Variants in RTL1 observed in about 807,000 individuals in gnomAD.
RTL1 encodes the protein retrotransposon Gag like 1.
For synonymous variants in RTL1, 727 were observed against 748.4 expected (o/e 0.97, Z 0.47); for missense variants, 1,681 against 1,767.5 (o/e 0.95, Z 0.88).
Position 100,883,248 on chromosome 14 carries a change from G to C in RTL1, c.1541C>G (p.Pro514Arg). 6.4e-7 allele frequency: 1 copy of C among 1,551,732 alleles called. No individual in the cohort carries two copies. Among genetic ancestry groups the C allele is most frequent in the Non-Finnish European group, 8.7e-7 (1 of 1,146,992 alleles). The change falls in exon 4 of 4, where the codon CCC becomes CGC. Residue 514 changes from proline to arginine, a missense_variant. Physicochemically the swap from Pro to Arg is moderately radical, Grantham distance 103. Transcript: ENST00000649591. This position sits in a 1 kb window ranked among gnomAD's most constrained non-coding sequence, Gnocchi z 5.9. ...GCGGCCTTTGATCCAGTCGACTTCG[G>C]GGGCGTGGACTCGGAGCCAGCGGAT... is the stretch of plus-strand genomic sequence containing the variant. ...LGIRWLRVHA[P>R]EVDWIKGRCT...
At chr14:100,899,143 AC>A (rs530183099) in intron 2 of RTL1, 1 of 150,796 alleles carries the variant, frequency 6.6e-6, no homozygotes, top group Non-Finnish European at 1.5e-5. Flanking sequence ...TCAGGCTGGC[AC>A]CCCCCCACTG....
At chr14:100,890,174 C>T (rs1286723380) in intron 3 of RTL1, among the ~76,000 whole-genome samples, 2 of 151,560 alleles carry the variant, frequency 1.3e-5, no homozygotes, top group African/African-American at 4.8e-5. Context: ...CCCCCCAACA[C>T]TCAAGAGACA....
At chr14:100,885,896 G>A (rs866411960) in intron 3 of RTL1, among the ~76,000 whole-genome samples, 2 of 152,126 alleles carry the variant, frequency 1.3e-5, no homozygotes, top group Admixed American at 6.5e-5. Context: ...CTCTGTTGCT[G>A]GTTGAGCCCT....
In RTL1 at chr14:100,881,945, A is replaced by G. The variant is rs1333331673; in HGVS notation, c.2844T>C (p.Leu948=). The G allele has an allele frequency of 6.2e-7, 1 of 1,613,656 alleles. No homozygotes were observed. The highest frequency in any genetic ancestry group is 1.1e-5 in the South Asian group (1 of 91,070). ...LENTEEPIMI[L]LNTEDLASLN... Reference sequence around the variant, plus strand: ...GAGAGGCTAGATCCTCTGTGTTGAGAAGGATCATGATGGGCTCCTCGGTGT... The same window carrying G: ...GAGAGGCTAGATCCTCTGTGTTGAGGAGGATCATGATGGGCTCCTCGGTGT... The change falls in exon 4 of 4, where the codon CTT becomes CTC. Residue 948 remains leucine, a synonymous_variant. Transcript: ENST00000649591. This position sits in a 1 kb window ranked among gnomAD's most constrained non-coding sequence, Gnocchi z 6.6.
Position 100,881,430 on chromosome 14 carries a change from G to A in RTL1, c.3359C>T (p.Pro1120Leu), listed in dbSNP as rs961889060. ...APAMRVARPQ[P>L]QRSLRLILDS... ...CAGGATGAGTCGTAGGGAGCGCTGG[G>A]GCTGGGGCCGAGCCACCCGCATGGC... The change falls in exon 4 of 4, where the codon CCC becomes CTC. Residue 1120 changes from proline (P) to leucine (L), a missense_variant. Coordinates refer to ENST00000649591, the MANE Select transcript of RTL1 (RefSeq NM_001134888.3). The surrounding 1 kb of genome is among the most constrained non-coding windows in gnomAD (Gnocchi z 6.6). 1 of 1,550,796 alleles carries A rather than the reference G, an allele frequency of 6.4e-7. No homozygotes were observed. Among genetic ancestry groups the A allele is most frequent in the Non-Finnish European group, 8.7e-7 (1 of 1,146,932 alleles).
In RTL1 at chr14:100,884,598, T is replaced by G. The variant is rs182315655; in HGVS notation, c.191A>C (p.Gln64Pro). The part of the protein sequence containing the change: ...EKKEPPSGPL[Q>P]EMEELPTDLL... The stretch of plus-strand genomic sequence containing the variant: ...ATCAGTGGGCAGCTCTTCCATTTCC[T>G]GGAGTGGGCCACTGGGGGGCTCCTT... The change falls in exon 4 of 4, where the codon CAG becomes CCG. Residue 64 changes from glutamine (Q) to proline (P), a missense_variant. Physicochemically the swap from Gln to Pro is moderately conservative, Grantham distance 76. Transcript: ENST00000649591. 2 of 1,613,538 alleles carry G rather than the reference T, an allele frequency of 1.2e-6. No individual in the cohort carries two copies. The highest frequency in any genetic ancestry group is 2.2e-5 in the East Asian group (1 of 44,858).
intron 2 of RTL1, among the ~76,000 whole-genome samples, chr14:100,899,746 A>G (rs1416904330): frequency 1.3e-5 from 2 of 151,402 alleles, no homozygotes; most frequent in Non-Finnish European, 2.9e-5. Context: ...TCTCTCTCAC[A>G]CAGGGCTATT....
rs1437815603 is a variant in RTL1 at position 100,881,542 on chromosome 14, G to A, written c.3247C>T (p.Leu1083Phe). Residue 1083 changes from leucine (L) to phenylalanine (F), a missense_variant, in exon 4 of 4, where the codon CTC becomes TTC. Transcript: ENST00000649591. This position sits in a 1 kb window ranked among gnomAD's most constrained non-coding sequence, Gnocchi z 6.6. ...GCTAGGGTGTTCTTCCAGTACAGGA[G>A]GCCTCGGAAGAAGTGCAGAATGACG... ...RAVILHFFRGLLYWKNTLALA... is the reference protein window; with the variant it reads ...RAVILHFFRGFLYWKNTLALA... The A allele has an allele frequency of 1.3e-6, 2 of 1,551,752 alleles. No homozygotes were observed. The highest frequency in any genetic ancestry group is 2.4e-5 in the East Asian group (1 of 40,914).
chr14:100,882,258 T>C lies in RTL1; in HGVS notation c.2531A>G (p.Tyr844Cys), dbSNP rs1214043559. 1.9e-6 allele frequency: 3 copies of C among 1,551,448 alleles called. No homozygotes were observed. Among genetic ancestry groups the C allele is most frequent in the Admixed American group, 3.9e-5 (2 of 51,000 alleles). ...GGCCTCTTGCTCCTCGACTCCCCAG[T>C]AGAACTGGTAGGAGCTCAGCAGCTG... ...VRQLLSSYQFYWGVEEQEAFE... is the reference protein window; with the variant it reads ...VRQLLSSYQFCWGVEEQEAFE... The change falls in exon 4 of 4, where the codon TAC becomes TGC. Residue 844 changes from tyrosine to cysteine, a missense_variant. By Grantham distance (194) the Tyr-to-Cys change is radical (BLOSUM62 -2). Transcript: ENST00000649591.
Position 100,893,264 on chromosome 14 carries a change from C to A in RTL1, c.-87+180G>T, listed in dbSNP as rs1359647473. On this transcript the variant is annotated intron_variant, in intron 3 of 3. Transcript: ENST00000649591. The surrounding 1 kb of genome is among the most constrained non-coding windows in gnomAD (Gnocchi z 4.2). ...CCAGGACCTGCTAATTATAGCTGCTCAAGTATTTGAATAGAGGCCTTGAGT... is the reference window on the plus strand; with the variant it reads ...CCAGGACCTGCTAATTATAGCTGCTAAAGTATTTGAATAGAGGCCTTGAGT... 6.6e-6 allele frequency among the ~76,000 whole-genome samples: 1 copy of A among 152,104 alleles called. No homozygotes were observed. Among genetic ancestry groups the A allele is most frequent in the African/African-American group, 2.4e-5 (1 of 41,418 alleles).
Position 100,882,278 on chromosome 14 carries a change from C to T in RTL1, c.2511G>A (p.Leu837=), listed in dbSNP as rs747963078. ...CCCAGTAGAACTGGTAGGAGCTCAG[C>T]AGCTGCCGCACCAGGGGCTCTGCGA... ...SIIAEPLVRQ[L]LSSYQFYWGV... Residue 837 remains leucine (L), a synonymous_variant, in exon 4 of 4, where the codon CTG becomes CTA. Coordinates refer to ENST00000649591, the MANE Select transcript of RTL1 (RefSeq NM_001134888.3). The T allele has an allele frequency of 3.0e-5, 47 of 1,551,610 alleles. 1 individual carries two copies. The African/African-American group carries it at 6.1e-4, about 20-fold the overall frequency.
chr14:100,881,188 C>T lies in RTL1; in HGVS notation c.3601G>A (p.Gly1201Ser), dbSNP rs1352951677. ...GFWLTLCEFF[G>S]VRVTPQEGHL... ...CCCTCCTGGGGGGTGACTCTGACAC[C>T]GAAGAACTCACACAGCGTCAGCCAG... The change falls in exon 4 of 4, where the codon GGT (glycine) becomes AGT (serine). Residue 1201 changes from glycine (G) to serine (S), a missense_variant. Transcript: ENST00000649591. The surrounding 1 kb of genome is among the most constrained non-coding windows in gnomAD (Gnocchi z 6.6). 20 of 1,541,050 alleles carry T rather than the reference C, an allele frequency of 1.3e-5. No homozygotes were observed. Among genetic ancestry groups the T allele is most frequent in the Middle Eastern group, 1.7e-4 (1 of 5,952 alleles).
In RTL1 at chr14:100,880,520, G is replaced by A. The variant is rs2038591805; in HGVS notation, c.*192C>T. On this transcript the variant is annotated 3_prime_UTR_variant, in exon 4 of 4. Transcript: ENST00000649591. Reference sequence around the variant, plus strand: ...GCGCTGGGTCTCTGAGGACTGGGTAGTCCGTTAGCACAGGTGGCATTGCTG... The same window carrying A: ...GCGCTGGGTCTCTGAGGACTGGGTAATCCGTTAGCACAGGTGGCATTGCTG... The A allele has an allele frequency of 1.7e-6, 2 of 1,177,658 alleles. No individual in the cohort carries two copies. Among genetic ancestry groups the A allele is most frequent in the Non-Finnish European group, 2.3e-6 (2 of 864,996 alleles). The allele number at this position is 1,177,658 out of a possible 1,614,324, so 73.0% of individuals were successfully genotyped here.
At position 100,880,856 on chromosome 14, in the gene RTL1, C is replaced by T. The variant is rs544976341; in HGVS notation, c.3933G>A (p.Arg1311=). The change falls in exon 4 of 4, where the codon CGG becomes CGA. Residue 1311 remains arginine (R), a synonymous_variant. Transcript: ENST00000649591. ...SADGQLHLLS[R]EQAARALSQF... ...GGCTCAGGGCCCTGGCTGCCTGCTCCCGGCTGAGCAGGTGCAGCTGGCCAT... is the reference window on the plus strand; with the variant it reads ...GGCTCAGGGCCCTGGCTGCCTGCTCTCGGCTGAGCAGGTGCAGCTGGCCAT... The T allele has an allele frequency of 1.3e-4, 199 of 1,547,002 alleles. 1 individual carries two copies. In the East Asian group the frequency reaches 4.8e-3, roughly 37 times the overall value.
Position 100,880,821 on chromosome 14 carries a change from G to A in RTL1, c.3968C>T (p.Thr1323Ile), listed in dbSNP as rs907562790. The A allele has an allele frequency of 3.2e-6, 5 of 1,550,642 alleles. No individual in the cohort carries two copies. In the Admixed American group the frequency reaches 5.9e-5, roughly 18 times the overall value. ...QAARALSQFL[T>I]LIYRRALPIP... ...GGGCAGGGCCCGCCTGTAGATCAGG[G>A]TCAGGAACTGGCTCAGGGCCCTGGC... The change falls in exon 4 of 4, where the codon ACC (threonine) becomes ATC (isoleucine). Residue 1323 changes from threonine (T) to isoleucine (I), a missense_variant. Physicochemically the swap from Thr to Ile is moderately conservative, Grantham distance 89. Transcript: ENST00000649591.
At chr14:100,891,485 C>T (rs151175389) in intron 3 of RTL1, among the ~76,000 whole-genome samples, 282 of 152,276 alleles carry the variant, frequency 1.9e-3, no homozygotes, top group African/African-American at 6.5e-3. Context: ...TAGAGGGACC[C>T]CCAGCCCCTC....
Position 100,884,831 on chromosome 14 carries a change from TG to T in RTL1, c.-44del. ...AGTGTATTCTGAAGATTGGTAAGGT[TG>T]TGATGGCGTCCAGTCAGTAGCTGGG... On this transcript the variant is annotated 5_prime_UTR_variant, in exon 4 of 4. Coordinates refer to ENST00000649591, the MANE Select transcript of RTL1 (RefSeq NM_001134888.3). 6.6e-7 allele frequency: 1 copy of T among 1,511,490 alleles called. No homozygotes were observed. The highest frequency in any genetic ancestry group is 8.9e-7 in the Non-Finnish European group (1 of 1,126,940). The allele number at this position is 1,511,490 out of a possible 1,614,324, so 93.6% of individuals were successfully genotyped here. A position where few individuals can be genotyped will look rare whatever the true frequency, so the allele number is the denominator to read the frequency against.
intron 2 of RTL1, chr14:100,898,016 C>G: frequency 2.0e-6 from 1 of 501,764 alleles, no homozygotes; most frequent in Non-Finnish European, 4.0e-6. Context: ...TAGGTCTTGG[C>G]TGTTTCATTC....
chr14:100,883,132 G>A lies in RTL1; in HGVS notation c.1657C>T (p.Pro553Ser). ...ALERHGMSLLPGLPHPYSDLA... is the reference protein window; with the variant it reads ...ALERHGMSLLSGLPHPYSDLA... ...TCTGAGTATGGGTGTGGCAGTCCGG[G>A]TAGCAGGCTCATGCCGTGCCTCTCT... Residue 553 changes from proline (P) to serine (S), a missense_variant, in exon 4 of 4, where the codon CCC (proline) becomes TCC (serine). Physicochemically the swap from Pro to Ser is moderately conservative, Grantham distance 74 (BLOSUM62 -1). Coordinates refer to ENST00000649591, the MANE Select transcript of RTL1 (RefSeq NM_001134888.3). The surrounding 1 kb of genome is among the most constrained non-coding windows in gnomAD (Gnocchi z 5.9). 8 of 1,610,488 alleles carry A rather than the reference G, an allele frequency of 5.0e-6. No individual in the cohort carries two copies. The South Asian group carries it at 7.8e-5, about 16-fold the overall frequency.
Sources: gnomAD v4.1 joint callset for allele counts (sites outside exome capture counted in the v4.1 genomes callset) on GRCh38, gnomAD v4.1.1 for gene constraint, Gnocchi (gnomAD v3.1) non-coding constraint, MANE v1.5 for transcripts, NCBI Gene and HGNC (gene_info 2026-07-23, HGNC 2026-07-21) for gene names.